CRTC1: variants seen among roughly 807,000 people sequenced by gnomAD.
The protein encoded by CRTC1 is CREB regulated transcription coactivator 1.
A neutral mutation model predicts 66.1 loss-of-function variants in CRTC1; 18 were observed. The ratio of observed to expected loss-of-function variants is 0.27; its 90% CI spans 0.19 to 0.40. CRTC1 has a LOEUF of 0.40. CRTC1 is among the 10% of genes least tolerant of loss of function. The pLI is 1.00. For missense variants in CRTC1, 669 were observed against 887.9 expected, an observed-to-expected ratio of 0.75 and a Z score of 3.13; for synonymous variants, 416 against 398.8, an observed-to-expected ratio of 1.04 and a Z score of -0.51.
chr19:18,744,188 C>G (rs1638218695), intron 2 of CRTC1: 1 of 1,602,814 alleles, frequency 6.2e-7, no homozygotes, highest in South Asian at 1.1e-5. Flanking sequence ...GCCGCGGCGT[C>G]CCCGGCGCCA....
At chr19:18,745,749 G>A in intron 2 of CRTC1, 74 bp from the exon 3 acceptor site, 1 of 1,589,376 alleles carries the variant, frequency 6.3e-7, no homozygotes, top group Non-Finnish European at 8.6e-7. Context: ...AGACTCTGGG[G>A]CCAGCGCTGG....
At chr19:18,742,887 A>T in intron 1 of CRTC1, 23 bp from the exon 2 acceptor site, 2 of 1,584,012 alleles carry the variant, frequency 1.3e-6, no homozygotes, top group Non-Finnish European at 1.7e-6. Context: ...CCCCTCCCGC[A>T]GCTGCTGGCT....
At position 18,765,476 on chromosome 19, in the gene CRTC1, C is replaced by T; in HGVS notation, c.959C>T (p.Ala320Val). The stretch of plus-strand genomic sequence containing the variant: ...AGCCCCCTGTCCCTGAGCACAGAGG[C>T]AAGGCGTCAGCAGGCATCGCCCACC... ...GVSPLSLSTE[A>V]RRQQASPTLS... The change falls in exon 9 of 14, where the codon GCA becomes GTA. Residue 320 changes from alanine to valine, a missense_variant. Physicochemically the swap from Ala to Val is moderately conservative, Grantham distance 64 (BLOSUM62 0). Coordinates refer to ENST00000321949, the MANE Select transcript of CRTC1 (RefSeq NM_015321.3). The T allele has an allele frequency of 6.2e-7, 1 of 1,611,694 alleles. No individual in the cohort carries two copies. The highest frequency in any genetic ancestry group is 8.5e-7 in the Non-Finnish European group (1 of 1,179,792).
chr19:18,737,289 C>T (rs532108029), intron 1 of CRTC1, among the ~76,000 whole-genome samples: 5 of 151,740 alleles, frequency 3.3e-5, no homozygotes, highest in Admixed American at 6.6e-5. Context: ...GAGGGGGTCC[C>T]GGCGCAGGCT....
chr19:18,752,217 C>A (rs971647143), intron 5 of CRTC1, among the ~76,000 whole-genome samples: 1 of 151,792 alleles, frequency 6.6e-6, no homozygotes, highest in Non-Finnish European at 1.5e-5. Flanking sequence ...GGGAGAGATT[C>A]TTGGCTGTTC....
intron 8 of CRTC1, among the ~76,000 whole-genome samples, chr19:18,765,017 C>T (rs1344524347): frequency 2.0e-5 from 3 of 152,228 alleles, no homozygotes; most frequent in East Asian, 3.9e-4. Flanking sequence ...CTCCTCACCT[C>T]GCCACAGGAT....
chr19:18,756,721 G>T (rs113263842), intron 6 of CRTC1, among the ~76,000 whole-genome samples: 4 of 152,118 alleles, frequency 2.6e-5, no homozygotes, highest in Non-Finnish European at 5.9e-5. Context: ...ATGTTCTGCC[G>T]TTACTCAAGA....
intron 1 of CRTC1, among the ~76,000 whole-genome samples, chr19:18,721,683 C>T (rs965348073): frequency 1.3e-5 from 2 of 152,034 alleles, no homozygotes; most frequent in Admixed American, 6.6e-5. Context: ...TTAGTAGAGA[C>T]GGGGTCTTGC....
intron 1 of CRTC1, among the ~76,000 whole-genome samples, chr19:18,717,289 C>T (rs1354083891): frequency 2.0e-5 from 3 of 152,010 alleles, no homozygotes; most frequent in East Asian, 3.9e-4. Context: ...AGCACCCTCT[C>T]CCAGGGTCTT....
At chr19:18,742,244 C>T (rs1204831066) in intron 1 of CRTC1, among the ~76,000 whole-genome samples, 1 of 152,072 alleles carries the variant, frequency 6.6e-6, no homozygotes, top group African/African-American at 2.4e-5. Context: ...GGTTCTGTGC[C>T]CCGATGCCAT....
Position 18,754,234 on chromosome 19 carries a change from C to T in CRTC1, c.624+649C>T, listed in dbSNP as rs150269379. Among the ~76,000 whole-genome samples, 162 of 152,296 alleles carry T rather than the reference C, an allele frequency of 1.1e-3. No homozygotes were observed. In the East Asian group the frequency reaches 0.025, roughly 23 times the overall value. ...GCCAAAATCCTTTCAAAAGGGTTTG[C>T]TCCAGGCTGTGCATGGCTCACGCCT... On this transcript the variant is annotated intron_variant, in intron 6 of 13. Coordinates refer to ENST00000321949, the MANE Select transcript of CRTC1 (RefSeq NM_015321.3).
intron 11 of CRTC1, among the ~76,000 whole-genome samples, chr19:18,773,731 C>T (rs2054922026): frequency 6.6e-6 from 1 of 152,210 alleles, no homozygotes; most frequent in South Asian, 2.1e-4. Context: ...CCTTGGGTCA[C>T]CTTTTTACCT....
At chr19:18,706,151 ATTTCTGGGC>A (rs201921825) in intron 1 of CRTC1, among the ~76,000 whole-genome samples, 1,924 of 34,276 alleles carry the variant, frequency 0.056, 25 homozygotes, top group Middle Eastern at 0.16. Context: ...GTGACAGTTT[ATTTCTGGGC>A]TTTCTATTCT....
At chr19:18,753,434 G>C in intron 5 of CRTC1, 66 bp from the exon 6 acceptor site, 1 of 1,193,670 alleles carries the variant, frequency 8.4e-7, no homozygotes, top group Non-Finnish European at 1.2e-6. Context: ...TGTCCTCCTG[G>C]TACCACCATG....
chr19:18,781,047 GA>G lies in CRTC1; in HGVS notation c.*3669del, dbSNP rs1238031828. ...CGGGGGTCCTCTGTCACCTCGCCCTGAAAACAGCAGCTCCCATCACCTTCAC... is the reference window on the plus strand; with the variant it reads ...CGGGGGTCCTCTGTCACCTCGCCCTGAAACAGCAGCTCCCATCACCTTCAC... On this transcript the variant is annotated 3_prime_UTR_variant, in exon 14 of 14. Coordinates refer to ENST00000321949, the MANE Select transcript of CRTC1 (RefSeq NM_015321.3). The G allele has an allele frequency of 4.4e-6, 1 of 227,694 alleles. No individual in the cohort carries two copies. Among genetic ancestry groups the G allele is most frequent in the Non-Finnish European group, 8.7e-6 (1 of 114,716 alleles). The allele number at this position is 227,694 out of a possible 1,614,324, so 14.1% of individuals were successfully genotyped here. A position where few individuals can be genotyped will look rare whatever the true frequency, so the allele number is the denominator to read the frequency against.
Position 18,768,190 on chromosome 19 carries a change from T to G in CRTC1, c.1012-295T>G, listed in dbSNP as rs923842617. 6.6e-6 allele frequency among the ~76,000 whole-genome samples: 1 copy of G among 152,180 alleles called. No individual in the cohort carries two copies. Among genetic ancestry groups the G allele is most frequent in the Non-Finnish European group, 1.5e-5 (1 of 68,020 alleles). ...CCACCAGGGATGGCCATCCTGGGCT[T>G]GCCCTGCAGCTGGTGGACTGGCCTG... On this transcript the variant is annotated intron_variant, in intron 9 of 13. Coordinates refer to ENST00000321949, the MANE Select transcript of CRTC1 (RefSeq NM_015321.3). This position sits in a 1 kb window ranked among gnomAD's most constrained non-coding sequence, Gnocchi z 5.6.
At chr19:18,711,498 A>G (rs917358323) in intron 1 of CRTC1, among the ~76,000 whole-genome samples, 5 of 152,272 alleles carry the variant, frequency 3.3e-5, no homozygotes, top group Non-Finnish European at 5.9e-5. Flanking sequence ...TTAACTTAAA[A>G]GAAAAAAAAA....
chr19:18,733,120 C>T (rs1287077557), intron 1 of CRTC1, among the ~76,000 whole-genome samples: 2 of 152,104 alleles, frequency 1.3e-5, no homozygotes, highest in African/African-American at 4.8e-5. Flanking sequence ...AGAGACAGCC[C>T]TCCCGGCTGG....
chr19:18,726,729 C>T (rs2053760842), intron 1 of CRTC1, among the ~76,000 whole-genome samples: 2 of 151,984 alleles, frequency 1.3e-5, no homozygotes. Context: ...AGTTTGAGAC[C>T]AGCCTGGCCA....
Sources: gnomAD v4.1 joint callset for allele counts (sites outside exome capture counted in the v4.1 genomes callset) on GRCh38, gnomAD v4.1.1 for gene constraint, Gnocchi (gnomAD v3.1) non-coding constraint, MANE v1.5 for transcripts, NCBI Gene and HGNC (gene_info 2026-07-23, HGNC 2026-07-21) for gene names.